CHODL: variants seen among roughly 807,000 people sequenced by gnomAD.
The protein encoded by CHODL is chondrolectin.
Under a neutral mutation model 34.5 loss-of-function variants are expected in CHODL, and 29 were observed. The ratio of observed to expected loss-of-function variants is 0.84; its 90% confidence interval spans 0.63 to 1.15. CHODL has a LOEUF of 1.15. Ranked by LOEUF, CHODL falls within the 50% of genes most tolerant of loss-of-function variation. CHODL has a pLI of 0.00. For synonymous variants in CHODL, 125 were observed against 116.1 expected (o/e 1.08, Z -0.49); for missense variants, 332 against 332.5 (o/e 1.00, Z 0.01).
chr21:18,138,325 A>G (rs1181253938), intron 2 of CHODL, among the ~76,000 whole-genome samples: 1 of 152,170 alleles, frequency 6.6e-6, no homozygotes, highest in Non-Finnish European at 1.5e-5. Context: ...ATGGAATCTT[A>G]AAAATATTTA....
chr21:17,980,325 G>T (rs1159798567), intron 1 of CHODL, among the ~76,000 whole-genome samples: 2 of 152,186 alleles, frequency 1.3e-5, no homozygotes, highest in East Asian at 3.9e-4. Flanking sequence ...AACAAACAAT[G>T]TGTGGTTACT....
chr21:18,051,006 G>A (rs1300821323), intron 2 of CHODL, among the ~76,000 whole-genome samples: 2 of 151,292 alleles, frequency 1.3e-5, no homozygotes, highest in East Asian at 3.9e-4. Flanking sequence ...GTATACACGT[G>A]CCATGGTGGT....
intron 2 of CHODL, among the ~76,000 whole-genome samples, chr21:18,162,564 ATTAC>A (rs1321533740): frequency 6.6e-6 from 1 of 152,058 alleles, no homozygotes; most frequent in Non-Finnish European, 1.5e-5. Context: ...ATAACTTCAT[ATTAC>A]TTAATTACAT....
upstream of CHODL, among the ~76,000 whole-genome samples, chr21:18,240,306 A>T (rs2074069450): frequency 6.6e-6 from 1 of 152,110 alleles, no homozygotes; most frequent in African/African-American, 2.4e-5. Flanking sequence ...GAACATTAGG[A>T]AAGTTTATGA....
chr21:18,103,134 T>C (rs1038981394), intron 2 of CHODL, among the ~76,000 whole-genome samples: 3 of 152,200 alleles, frequency 2.0e-5, no homozygotes, highest in Non-Finnish European at 4.4e-5. Context: ...TGTAGCCTCT[T>C]CTCTTATAAA....
intron 2 of CHODL, among the ~76,000 whole-genome samples, chr21:18,199,317 A>C (rs893789767): frequency 1.3e-5 from 2 of 152,130 alleles, no homozygotes; most frequent in Non-Finnish European, 2.9e-5. Flanking sequence ...TTTTTAATAG[A>C]CTTATTTTTT....
At chr21:18,204,259 T>A (rs1353601348) in intron 2 of CHODL, among the ~76,000 whole-genome samples, 1 of 152,142 alleles carries the variant, frequency 6.6e-6, no homozygotes, top group African/African-American at 2.4e-5. Flanking sequence ...AAACCTTAAA[T>A]ACATCAGCTT....
chr21:17,938,479 TTTTTTTTTTTTTTTAAG>T (rs1367020480), intron 1 of CHODL, among the ~76,000 whole-genome samples: 782 of 2,776 alleles, frequency 0.28, 51 homozygotes, highest in African/African-American at 0.42. Context: ...TTTTTTTTTT[TTTTTTTTTTTTTTTAAG>T]GAAAGGGAGT....
chr21:18,255,571 A>G (rs539059454), intron 1 of CHODL, among the ~76,000 whole-genome samples: 2 of 152,206 alleles, frequency 1.3e-5, no homozygotes, highest in South Asian at 4.1e-4. Flanking sequence ...ATTTCAGCCT[A>G]CTCAGGTCTC....
chr21:17,960,706 C>T (rs2063525848), intron 1 of CHODL, among the ~76,000 whole-genome samples: 2 of 152,070 alleles, frequency 1.3e-5, no homozygotes, highest in Non-Finnish European at 2.9e-5. Flanking sequence ...GGATAATGGA[C>T]TATTATCTGT....
intron 2 of CHODL, among the ~76,000 whole-genome samples, chr21:18,054,866 C>G (rs867431710): frequency 5.6e-4 from 85 of 152,004 alleles, no homozygotes; most frequent in African/African-American, 2.0e-3. Context: ...AATATCAAAA[C>G]AATACTTGCT....
chr21:18,147,463 C>T (rs1254086236), intron 2 of CHODL, among the ~76,000 whole-genome samples: 2 of 152,154 alleles, frequency 1.3e-5, no homozygotes, highest in African/African-American at 2.4e-5. Flanking sequence ...GCTAAATCTG[C>T]TAAATAAAAA....
chr21:18,002,583 T>G (rs1015387378), intron 1 of CHODL, among the ~76,000 whole-genome samples: 1 of 152,220 alleles, frequency 6.6e-6, no homozygotes, highest in Admixed American at 6.5e-5. Flanking sequence ...CCAGGTGGTG[T>G]TGAGCTAGTT....
At chr21:18,195,039 ATTTATTTATT>A (rs1202191608) in intron 2 of CHODL, among the ~76,000 whole-genome samples, 1 of 150,210 alleles carries the variant, frequency 6.7e-6, no homozygotes, top group Non-Finnish European at 1.5e-5. Flanking sequence ...TTATTTATTT[ATTTATTTATT>A]TATTTATTTA....
Position 17,968,716 on chromosome 21 carries a change from C to A in CHODL, c.-145+51316C>A, listed in dbSNP as rs1363110916. 3.9e-5 allele frequency among the ~76,000 whole-genome samples: 6 copies of A among 152,298 alleles called. No homozygotes were observed. The East Asian group carries it at 1.2e-3, about 29-fold the overall frequency. On this transcript the variant is annotated intron_variant, in intron 1 of 6. Transcript: ENST00000400127. ...CTGACAAACATTTACCAAATGCTAA[C>A]CAATGGGATCAATGCAGAGTTCATC...
At chr21:18,017,593 C>G (rs2064087494) in intron 1 of CHODL, among the ~76,000 whole-genome samples, 1 of 152,182 alleles carries the variant, frequency 6.6e-6, no homozygotes, top group African/African-American at 2.4e-5. Context: ...TTGGCAGTCT[C>G]ATAGATTTCA....
intron 2 of CHODL, among the ~76,000 whole-genome samples, chr21:18,064,022 T>C (rs1194165870): frequency 2.0e-5 from 3 of 152,228 alleles, no homozygotes; most frequent in African/African-American, 7.2e-5. Flanking sequence ...ACATCTATTC[T>C]TCCTTGATAT....
In CHODL at chr21:18,145,354, G is replaced by T. The variant is rs1340450412; in HGVS notation, c.-44-111155G>T. ...CGGGAGGCTGAGGCAGGAGAATGGC[G>T]TGAACCCGGGAGGCGGAGCTGGCAG... On this transcript the variant is annotated intron_variant, in intron 2 of 6. Transcript: ENST00000400127. 2.8e-5 allele frequency among the ~76,000 whole-genome samples: 4 copies of T among 144,784 alleles called. No individual in the cohort carries two copies. The East Asian group carries it at 8.2e-4, about 30-fold the overall frequency. 95.0% of individuals were successfully genotyped at this position (144,784 alleles called of 152,430 possible).
intron 1 of CHODL, among the ~76,000 whole-genome samples, chr21:17,981,990 T>C (rs544867337): frequency 6.6e-6 from 1 of 152,330 alleles, no homozygotes; most frequent in East Asian, 1.9e-4. Flanking sequence ...TTTGTAGAGA[T>C]TTTTCTAATT....
Sources: gnomAD v4.1 joint callset for allele counts (sites outside exome capture counted in the v4.1 genomes callset) on GRCh38, gnomAD v4.1.1 for gene constraint, MANE v1.5 for transcripts, NCBI Gene and HGNC (gene_info 2026-07-23, HGNC 2026-07-21) for gene names.